Variants in DNAH6 observed in about 807,000 individuals in gnomAD.
DNAH6 encodes the protein axonemal beta dynein heavy chain 6.
In DNAH6, 340 loss-of-function variants were observed where a neutral mutation model predicts 491.4. That is an observed-to-expected ratio of 0.69 (90% CI 0.63 to 0.76). The LOEUF is 0.76. Among genes scored for constraint, DNAH6 ranks in the 30% least tolerant of loss-of-function variants. The probability of loss-of-function intolerance (pLI) is 0.00; values close to 1 mark genes in which losing one functional copy is unlikely to be tolerated. For missense variants in DNAH6, 4,443 were observed against 4,972.2 expected (o/e 0.89, Z 3.20); for synonymous variants, 1,603 against 1,686.1 (o/e 0.95, Z 1.21).
At chr2:84,478,288 A>G in the DNAH6 span, among the ~76,000 whole-genome samples, 5 of 152,212 alleles carry the variant, frequency 3.3e-5, no homozygotes, top group African/African-American at 4.8e-5. Flanking sequence ...ACACAGCACA[A>G]TTCTAAGAAA....
chr2:84,584,282 C>A (rs1249446515), intron 15 of DNAH6, 32 bp downstream of exon 15: 4 of 1,600,282 alleles, frequency 2.5e-6, no homozygotes, highest in Non-Finnish European at 3.4e-6. Context: ...TAAAAATAAT[C>A]TATGCAAAGT....
At chr2:84,626,811 C>T (rs1687910251) in intron 29 of DNAH6, among the ~76,000 whole-genome samples, 1 of 152,096 alleles carries the variant, frequency 6.6e-6, no homozygotes, top group Admixed American at 6.6e-5. Context: ...CCATCTTGGC[C>T]AGGCTGGTCT....
At chr2:84,664,278 G>T (rs1691840372) in intron 37 of DNAH6, among the ~76,000 whole-genome samples, 1 of 152,106 alleles carries the variant, frequency 6.6e-6, no homozygotes, top group African/African-American at 2.4e-5. Context: ...TGGGCTAAAT[G>T]CTCCAATTAA....
Position 84,727,656 on chromosome 2 carries a change from C to T in DNAH6, c.9973-13C>T. 1 of 1,478,774 alleles carries T rather than the reference C, an allele frequency of 6.8e-7. No homozygotes were observed. Among genetic ancestry groups the T allele is most frequent in the Non-Finnish European group, 9.2e-7 (1 of 1,081,540 alleles). 91.6% of individuals were successfully genotyped at this position (1,478,774 alleles called of 1,614,324 possible). On this transcript the variant is annotated splice_polypyrimidine_tract_variant and intron_variant, in intron 60 of 76. Transcript: ENST00000389394. ...TTAAATCAGAGACATTGATAGAGCT[C>T]TCTTTCACACAGTTGTTCAATACCA... is the stretch of plus-strand genomic sequence containing the variant.
At chr2:84,491,703 A>G in the DNAH6 span, among the ~76,000 whole-genome samples, 1 of 152,206 alleles carries the variant, frequency 6.6e-6, no homozygotes, top group Non-Finnish European at 1.5e-5. Flanking sequence ...GACTCTGATC[A>G]TTGCAATTTG....
chr2:84,654,516 G>T, intron 34 of DNAH6, 144 bp from the exon 35 acceptor site: 1 of 1,040,004 alleles, frequency 9.6e-7, no homozygotes, highest in Non-Finnish European at 1.3e-6. Context: ...ATTACTTATT[G>T]CTCTCCCACT....
At chr2:84,800,715 A>G (rs939070190) in intron 70 of DNAH6, among the ~76,000 whole-genome samples, 3 of 152,154 alleles carry the variant, frequency 2.0e-5, no homozygotes, top group African/African-American at 7.2e-5. Context: ...AAGAAAAGAG[A>G]ATTTTTTAAA....
At chr2:84,622,354 G>A (rs1459371736) in intron 26 of DNAH6, among the ~76,000 whole-genome samples, 2 of 151,972 alleles carry the variant, frequency 1.3e-5, no homozygotes, top group African/African-American at 4.8e-5. Context: ...TTAAGAGACA[G>A]GATCTCACTC....
At chr2:84,591,629 C>T (rs571603273) in intron 16 of DNAH6, among the ~76,000 whole-genome samples, 4 of 152,180 alleles carry the variant, frequency 2.6e-5, no homozygotes, top group African/African-American at 9.6e-5. Flanking sequence ...TATAGGGAAC[C>T]ACAGAGGACC....
chr2:84,664,185 A>G (rs1691832445), intron 37 of DNAH6, among the ~76,000 whole-genome samples: 1 of 152,214 alleles, frequency 6.6e-6, no homozygotes, highest in Non-Finnish European at 1.5e-5. Context: ...AAGAAACTGC[A>G]TCAACTAACG....
At chr2:84,701,367 T>C in intron 49 of DNAH6, 28 bp downstream of exon 49, 1 of 1,534,092 alleles carries the variant, frequency 6.5e-7, no homozygotes, top group East Asian at 2.5e-5. Flanking sequence ...CATGAAAATA[T>C]TGTTTTGCTT....
chr2:84,641,874 C>A, intron 32 of DNAH6, 73 bp from the exon 33 acceptor site: 1 of 1,238,404 alleles, frequency 8.1e-7, no homozygotes. Flanking sequence ...GCTCTGCCCT[C>A]CCCACAGGTT....
Position 84,745,219 on chromosome 2 carries a change from A to G in DNAH6, c.10482A>G (p.Leu3494=). 6.6e-7 allele frequency: 1 copy of G among 1,523,384 alleles called. No homozygotes were observed. The highest frequency in any genetic ancestry group is 1.3e-5 in the South Asian group (1 of 77,662). 94.4% of individuals were successfully genotyped at this position (1,523,384 alleles called of 1,614,324 possible). ...CAGGATTGAGTTCTTTCCATAAGCT[A>G]ATTCTTATTAAATGTTGTAAAGAAG... The part of the protein sequence containing the change: ...WSAGLSSFHK[L]ILIKCCKEEK... Residue 3494 remains leucine, a synonymous_variant, in exon 63 of 77, where the codon CTA becomes CTG. Coordinates refer to ENST00000389394, the MANE Select transcript of DNAH6 (RefSeq NM_001370.2).
At position 84,568,684 on chromosome 2, in the gene DNAH6, T is replaced by C. The variant is rs144452150; in HGVS notation, c.1804-4783T>C. On this transcript the variant is annotated intron_variant, in intron 11 of 76. Transcript: ENST00000389394. Reference sequence around the variant, plus strand: ...CATACATTTACCTATGTAACAAACCTGCACATCCTATCCTGCACATGCATC... The same window carrying C: ...CATACATTTACCTATGTAACAAACCCGCACATCCTATCCTGCACATGCATC... Among the ~76,000 whole-genome samples the C allele has an allele frequency of 7.4e-3, 1,123 of 152,258 alleles. 5 individuals carry two copies. Among genetic ancestry groups the C allele is most frequent in the Admixed American group, 0.013 (199 of 15,294 alleles).
In DNAH6 at chr2:84,819,448, G is replaced by C; in HGVS notation, c.*40G>C. On this transcript the variant is annotated 3_prime_UTR_variant, in exon 77 of 77. Coordinates refer to ENST00000389394, the MANE Select transcript of DNAH6 (RefSeq NM_001370.2). ...AGCCCTGAAAAAGAACCAGGCCAGAGATCTTTCCTAATGGGAGCAAAAGGT... is the reference window on the plus strand; with the variant it reads ...AGCCCTGAAAAAGAACCAGGCCAGACATCTTTCCTAATGGGAGCAAAAGGT... The C allele has an allele frequency of 1.5e-6, 2 of 1,366,186 alleles. No homozygotes were observed. Among genetic ancestry groups the C allele is most frequent in the Non-Finnish European group, 2.0e-6 (2 of 988,776 alleles). 84.6% of individuals were successfully genotyped at this position (1,366,186 alleles called of 1,614,324 possible). A position where few individuals can be genotyped will look rare whatever the true frequency, so the allele number is the denominator to read the frequency against.
chr2:84,725,414 G>A (rs1698533838), intron 60 of DNAH6, among the ~76,000 whole-genome samples: 1 of 152,182 alleles, frequency 6.6e-6, no homozygotes, highest in African/African-American at 2.4e-5. Flanking sequence ...AGCCATCTGT[G>A]CTGGGTTCAA....
At chr2:84,777,526 C>A in intron 64 of DNAH6, 1 of 744,636 alleles carries the variant, frequency 1.3e-6, no homozygotes, top group South Asian at 1.4e-5. Context: ...TGAGTTTGAT[C>A]ACCTCATAAG....
intron 18 of DNAH6, among the ~76,000 whole-genome samples, chr2:84,601,014 T>TTATAATAATAATATTATTATAC (rs1685165568): frequency 7.5e-6 from 1 of 133,436 alleles, no homozygotes; most frequent in African/African-American, 3.6e-5. Flanking sequence ...TATAATAATA[T>TTATAATAATAATATTATTATAC]TATAATAATA....
At chr2:84,745,365 C>T in intron 63 of DNAH6, 116 bp downstream of exon 63, 1 of 852,920 alleles carries the variant, frequency 1.2e-6, no homozygotes, top group Non-Finnish European at 1.7e-6. Context: ...TGGGAGATGA[C>T]TCAAAAAAAT....
Sources: gnomAD v4.1 joint callset for allele counts (sites outside exome capture counted in the v4.1 genomes callset) on GRCh38, gnomAD v4.1.1 for gene constraint, MANE v1.5 for transcripts, NCBI Gene and HGNC (gene_info 2026-07-23, HGNC 2026-07-21) for gene names.